Variants in MLPH observed in about 807,000 individuals in gnomAD.
MLPH encodes the protein exophilin-3.
In MLPH, 51 loss-of-function variants were observed where a neutral mutation model predicts 72.1. The ratio of observed to expected loss-of-function variants is 0.71; its 90% CI spans 0.56 to 0.89. MLPH has a LOEUF of 0.89. Among genes scored for constraint, MLPH ranks in the 40% least tolerant of loss-of-function variants. The pLI is 0.00. For synonymous variants in MLPH, 301 were observed against 310.1 expected (o/e 0.97, Z 0.31); for missense variants, 743 against 759.9 (o/e 0.98, Z 0.26).
intron 1 of MLPH, among the ~76,000 whole-genome samples, chr2:237,490,057 G>A (rs1469852679): frequency 6.6e-6 from 1 of 152,340 alleles, no homozygotes; most frequent in East Asian, 1.9e-4. Flanking sequence ...GTAAGTGGAA[G>A]TGTTTTGTTC....
At position 237,549,279 on chromosome 2, in the gene MLPH, G is replaced by A; in HGVS notation, c.1675+1G>A. On this transcript the variant is annotated splice_donor_variant, in intron 14 of 15. Coordinates refer to ENST00000264605, the MANE Select transcript of MLPH (RefSeq NM_024101.7). LOFTEE classifies it high-confidence loss of function. ...TTCAGTAATTCCCTGAAAAGTCAAGGTAAGAGCCCTCTGCTCCCCCACCCC... is the reference window on the plus strand; with the variant it reads ...TTCAGTAATTCCCTGAAAAGTCAAGATAAGAGCCCTCTGCTCCCCCACCCC... The A allele has an allele frequency of 6.2e-7, 1 of 1,613,982 alleles. No individual in the cohort carries two copies. Among genetic ancestry groups the A allele is most frequent in the South Asian group, 1.1e-5 (1 of 91,078 alleles).
At chr2:237,516,860 GA>G (rs1387799361) in intron 4 of MLPH, among the ~76,000 whole-genome samples, 6 of 151,258 alleles carry the variant, frequency 4.0e-5, no homozygotes, top group Non-Finnish European at 8.9e-5. Context: ...TGGATGATAG[GA>G]TGGATGGATG....
At chr2:237,552,098 C>G (rs1421480891) in intron 14 of MLPH, 1 of 494,730 alleles carries the variant, frequency 2.0e-6, no homozygotes, top group Non-Finnish European at 3.7e-6. Context: ...TCCAGGGCCA[C>G]AGTGAGGAAG....
chr2:237,503,803 T>C (rs1189761623), intron 2 of MLPH, among the ~76,000 whole-genome samples: 1 of 152,140 alleles, frequency 6.6e-6, no homozygotes, highest in Admixed American at 6.5e-5. Context: ...TGGGGATGCT[T>C]ACCGGTGGTA....
intron 8 of MLPH, among the ~76,000 whole-genome samples, chr2:237,528,213 A>T (rs2080344953): frequency 6.6e-6 from 1 of 152,216 alleles, no homozygotes; most frequent in Non-Finnish European, 1.5e-5. Flanking sequence ...TGACAGTTAT[A>T]CAACAATGTG....
At position 237,510,823 on chromosome 2, in the gene MLPH, C is replaced by T. The variant is rs1308025092; in HGVS notation, c.332+28C>T. ...GAGCCCAGGCCTTGAGGTAAAATGA[C>T]CTTGATAGTTTCTGGATCTGGCGTG... On this transcript the variant is annotated intron_variant, in intron 3 of 15. Coordinates refer to ENST00000264605, the MANE Select transcript of MLPH (RefSeq NM_024101.7). The surrounding 1 kb of genome is among the most constrained non-coding windows in gnomAD (Gnocchi z 4.4). The T allele has an allele frequency of 6.2e-7, 1 of 1,611,686 alleles. No homozygotes were observed. The highest frequency in any genetic ancestry group is 1.1e-5 in the South Asian group (1 of 91,012).
intron 12 of MLPH, chr2:237,545,545 A>G (rs2080898621): frequency 3.9e-6 from 5 of 1,288,678 alleles, no homozygotes; most frequent in African/African-American, 1.5e-5. Context: ...AGCCGCCTGA[A>G]TCATGTTGCC....
At chr2:237,550,079 C>T (rs1227902095) in intron 14 of MLPH, among the ~76,000 whole-genome samples, 2 of 152,220 alleles carry the variant, frequency 1.3e-5, no homozygotes, top group South Asian at 2.1e-4. Flanking sequence ...ACTTCCTTCC[C>T]GTGCGTAGGA....
intron 9 of MLPH, among the ~76,000 whole-genome samples, chr2:237,538,347 A>G (rs1345352564): frequency 6.6e-6 from 1 of 152,224 alleles, no homozygotes; most frequent in African/African-American, 2.4e-5. Flanking sequence ...TGGGACTCGA[A>G]GCAGGGACAG....
chr2:237,521,224 A>C (rs1037435552), intron 6 of MLPH, among the ~76,000 whole-genome samples: 6 of 152,138 alleles, frequency 3.9e-5, no homozygotes, highest in Admixed American at 3.3e-4. Flanking sequence ...TGGGTACTAT[A>C]GACAGCTGTT....
chr2:237,552,954 C>T (rs187822225), intron 15 of MLPH: 18 of 370,294 alleles, frequency 4.9e-5, no homozygotes, highest in African/African-American at 1.3e-4. Context: ...ACAACGAAAG[C>T]GCAGATTTAT....
intron 4 of MLPH, among the ~76,000 whole-genome samples, chr2:237,514,655 C>G (rs2079976061): frequency 6.6e-6 from 1 of 152,186 alleles, no homozygotes; most frequent in Non-Finnish European, 1.5e-5. Flanking sequence ...TTTCTGAGCC[C>G]CAGCAGCATT....
intron 1 of MLPH, among the ~76,000 whole-genome samples, chr2:237,493,023 C>T (rs1313924398): frequency 6.6e-6 from 1 of 152,288 alleles, no homozygotes; most frequent in Non-Finnish European, 1.5e-5. Context: ...AGGCGAGAAG[C>T]CTCAGGAATG....
chr2:237,489,428 G>C (rs59454525), intron 1 of MLPH, among the ~76,000 whole-genome samples: 6,401 of 152,214 alleles, frequency 0.042, 448 homozygotes, highest in African/African-American at 0.15. Flanking sequence ...GTAGGGAAGG[G>C]AGTGGCCCTT....
chr2:237,518,337 T>G, intron 4 of MLPH: 1 of 664,632 alleles, frequency 1.5e-6, no homozygotes. Context: ...ATGAATAGAT[T>G]GATAAATAGG....
rs551849474 is a variant in MLPH at position 237,539,148 on chromosome 2, G to A, written c.1105-1200G>A. On this transcript the variant is annotated intron_variant, in intron 9 of 15. Coordinates refer to ENST00000264605, the MANE Select transcript of MLPH (RefSeq NM_024101.7). ...AGGCTCTGCCTTTTACTATGGGGGG[G>A]CGGGGAGGCTTGAGCAGAAGACAGC... Among the ~76,000 whole-genome samples, 77 of 152,304 alleles carry A rather than the reference G, an allele frequency of 5.1e-4. 1 individual carries two copies. Among genetic ancestry groups the A allele is most frequent in the African/African-American group, 1.8e-3 (75 of 41,566 alleles).
In MLPH at chr2:237,541,057, C is replaced by A; in HGVS notation, c.1446+100C>A. ...GCCAGCTCTAACATCCGCCAGCTCA[C>A]ACTGAGCCCTCCCCATTGGCCCAGC... On this transcript the variant is annotated intron_variant, in intron 11 of 15. Transcript: ENST00000264605. This position sits in a 1 kb window ranked among gnomAD's most constrained non-coding sequence, Gnocchi z 5.1. The A allele has an allele frequency of 6.9e-7, 1 of 1,442,518 alleles. No homozygotes were observed. The highest frequency in any genetic ancestry group is 2.0e-5 in the Admixed American group (1 of 50,854). 89.4% of individuals were successfully genotyped at this position (1,442,518 alleles called of 1,614,324 possible). A position where few individuals can be genotyped will look rare whatever the true frequency, so the allele number is the denominator to read the frequency against.
chr2:237,487,152 C>T (rs1026592037), upstream of MLPH: 2 of 152,238 alleles, frequency 1.3e-5, no homozygotes, highest in Non-Finnish European at 2.9e-5. Flanking sequence ...CCGTTCCGCC[C>T]TCTGCCTGGC....
intron 2 of MLPH, among the ~76,000 whole-genome samples, chr2:237,499,680 G>C (rs1200974956): frequency 1.3e-5 from 2 of 152,184 alleles, no homozygotes; most frequent in Non-Finnish European, 2.9e-5. Flanking sequence ...GACATTAATA[G>C]TTCACAAGAC....
Sources: gnomAD v4.1 joint callset for allele counts (sites outside exome capture counted in the v4.1 genomes callset) on GRCh38, gnomAD v4.1.1 for gene constraint, Gnocchi (gnomAD v3.1) non-coding constraint, MANE v1.5 for transcripts, NCBI Gene and HGNC (gene_info 2026-07-23, HGNC 2026-07-21) for gene names.